Variants in GRIP1 observed in about 807,000 individuals in gnomAD.
The protein encoded by GRIP1 is glutamate receptor-interacting protein 1.
In GRIP1, 45 loss-of-function variants were observed where a neutral mutation model predicts 129.9. That is an observed-to-expected ratio of 0.35 (90% CI 0.27 to 0.44). The LOEUF is 0.44. GRIP1 is among the 20% of genes least tolerant of loss of function. The pLI is 1.00. For missense variants in GRIP1, 1,196 were observed against 1,396.8 expected (o/e 0.86, Z 2.29); for synonymous variants, 530 against 520.8 (o/e 1.02, Z -0.24).
intron 1 of GRIP1, among the ~76,000 whole-genome samples, chr12:66,697,297 C>T (rs1334142260): frequency 6.6e-6 from 1 of 152,158 alleles, no homozygotes; most frequent in Non-Finnish European, 1.5e-5. Context: ...ATGACAATGA[C>T]CTTTCCCTCA....
intron 1 of GRIP1, among the ~76,000 whole-genome samples, chr12:66,951,696 G>T (rs573513324): frequency 6.6e-6 from 1 of 152,350 alleles, no homozygotes; most frequent in Admixed American, 6.5e-5. Flanking sequence ...TAGTCCATTT[G>T]CAAGACTCTG....
rs752886611 is a variant in GRIP1 at position 66,465,280 on chromosome 12, T to G, written c.867A>C (p.Ala289=). The part of the protein sequence containing the change: ...VIDKIKSASI[A]DRCGALHVGD... ...GCACTTTCTACAATACTTACCTGTC[T>G]GCAATACTTGCAGATTTGATTTTGT... The change falls in exon 8 of 25, where the codon GCA becomes GCC. Residue 289 remains alanine (A), a synonymous_variant. Coordinates refer to ENST00000359742, the MANE Select transcript of GRIP1 (RefSeq NM_001366722.1). 93 of 1,613,562 alleles carry G rather than the reference T, an allele frequency of 5.8e-5. No individual in the cohort carries two copies. Among genetic ancestry groups the G allele is most frequent in the Non-Finnish European group, 7.6e-5 (90 of 1,179,654 alleles).
intron 1 of GRIP1, among the ~76,000 whole-genome samples, chr12:66,854,728 A>G (rs1329257599): frequency 6.6e-6 from 1 of 152,066 alleles, no homozygotes; most frequent in Non-Finnish European, 1.5e-5. Flanking sequence ...ACCATGTTGC[A>G]CAAAATCCAA....
intron 4 of GRIP1, among the ~76,000 whole-genome samples, chr12:66,532,465 T>A (rs1243238316): frequency 6.6e-6 from 1 of 152,306 alleles, no homozygotes; most frequent in South Asian, 2.1e-4. Context: ...TATTTTCCTA[T>A]GGTAGATGAG....
intron 1 of GRIP1, among the ~76,000 whole-genome samples, chr12:66,778,160 AT>A (rs1438167543): frequency 6.6e-6 from 1 of 152,196 alleles, no homozygotes. Flanking sequence ...TTCTTTTGGC[AT>A]TTTAAAAGGT....
chr12:66,944,921 A>T (rs7296850), intron 1 of GRIP1, among the ~76,000 whole-genome samples: 74,806 of 151,844 alleles, frequency 0.49, 20,145 homozygotes, highest in African/African-American at 0.73. Context: ...GCCTCCCGAG[A>T]AACTGGGATT....
intron 1 of GRIP1, among the ~76,000 whole-genome samples, chr12:67,021,041 T>C (rs1040740796): frequency 1.3e-5 from 2 of 152,024 alleles, no homozygotes; most frequent in Non-Finnish European, 2.9e-5. Context: ...AAGGCTGCAG[T>C]GAGCTATGAT....
intron 1 of GRIP1, among the ~76,000 whole-genome samples, chr12:66,819,479 G>A (rs189369496): frequency 1.1e-4 from 17 of 152,254 alleles, no homozygotes; most frequent in Admixed American, 2.6e-4. Context: ...ATTGCCTAAC[G>A]TTAATAAATA....
intron 1 of GRIP1, among the ~76,000 whole-genome samples, chr12:67,053,449 C>T (rs564272357): frequency 4.6e-5 from 7 of 152,280 alleles, no homozygotes; most frequent in Admixed American, 1.3e-4. Flanking sequence ...GATTATGACA[C>T]GATTGCTAAC....
At chr12:66,636,563 C>G (rs2031392879) in intron 1 of GRIP1, among the ~76,000 whole-genome samples, 1 of 152,086 alleles carries the variant, frequency 6.6e-6, no homozygotes. Context: ...ATGTTGAACC[C>G]TAACCTCCCC....
intron 19 of GRIP1, among the ~76,000 whole-genome samples, chr12:66,384,560 A>G (rs1402187922): frequency 6.6e-6 from 1 of 152,254 alleles, no homozygotes; most frequent in South Asian, 2.1e-4. Flanking sequence ...ACTTTATCCT[A>G]TAACAATAGA....
At chr12:66,731,208 G>C (rs1387867366) in intron 1 of GRIP1, among the ~76,000 whole-genome samples, 1 of 151,996 alleles carries the variant, frequency 6.6e-6, no homozygotes, top group Non-Finnish European at 1.5e-5. Context: ...AAACAAAACA[G>C]AATGAAATAA....
chr12:66,424,104 A>G (rs1209482587), intron 14 of GRIP1, among the ~76,000 whole-genome samples: 1 of 152,156 alleles, frequency 6.6e-6, no homozygotes, highest in Non-Finnish European at 1.5e-5. Flanking sequence ...TATTTGAGTC[A>G]TTTACAAGCT....
At chr12:66,804,174 GA>G (rs1285001767) in exon 1 of GRIP1, 1 of 455,544 alleles carries the variant, frequency 2.2e-6, no homozygotes, top group Non-Finnish European at 4.4e-6. Flanking sequence ...CAAAACCCAG[GA>G]AGCGGTCCAT....
intron 1 of GRIP1, among the ~76,000 whole-genome samples, chr12:67,056,067 T>C (rs982095327): frequency 6.6e-6 from 1 of 152,004 alleles, no homozygotes; most frequent in Non-Finnish European, 1.5e-5. Flanking sequence ...TAACAGACAA[T>C]GAGTTCTTGA....
At chr12:66,727,069 A>T (rs1346598578) in intron 1 of GRIP1, among the ~76,000 whole-genome samples, 1 of 152,210 alleles carries the variant, frequency 6.6e-6, no homozygotes, top group Non-Finnish European at 1.5e-5. Flanking sequence ...CAAATTTCTC[A>T]AACAACATAT....
intron 1 of GRIP1, among the ~76,000 whole-genome samples, chr12:66,923,889 C>T (rs1000746742): frequency 3.3e-5 from 5 of 151,822 alleles, no homozygotes; most frequent in Non-Finnish European, 7.4e-5. Context: ...TTGTTGTCCA[C>T]GCTGGAGTGT....
intron 1 of GRIP1, among the ~76,000 whole-genome samples, chr12:66,721,647 A>G (rs2036060870): frequency 6.6e-6 from 1 of 152,210 alleles, no homozygotes; most frequent in Admixed American, 6.5e-5. Context: ...CAAGAGAATC[A>G]ACCCAATCTG....
intron 1 of GRIP1, among the ~76,000 whole-genome samples, chr12:66,978,389 C>A (rs1289563063): frequency 6.6e-6 from 1 of 152,092 alleles, no homozygotes; most frequent in Non-Finnish European, 1.5e-5. Flanking sequence ...AATCATAAAC[C>A]AAAATGAAAA....
Sources: allele counts gnomAD v4.1 joint callset (sites outside exome capture counted in the v4.1 genomes callset), GRCh38; gene constraint gnomAD v4.1.1; transcripts MANE v1.5; gene names NCBI Gene and HGNC (gene_info 2026-07-23, HGNC 2026-07-21).